The following HSD17B2 variants were observed in gnomAD, a reference collection of about 807,000 sequenced individuals.
HSD17B2 encodes the protein 17-beta-hydroxysteroid dehydrogenase type 2.
In HSD17B2, 32 loss-of-function variants were observed where a neutral mutation model predicts 26.9. The ratio of observed to expected loss-of-function variants is 1.19; its 90% CI spans 0.90 to 1.60. HSD17B2 has a LOEUF of 1.60. HSD17B2 is among the 40% of genes most tolerant of loss of function. HSD17B2 has a pLI of 0.00. For synonymous variants in HSD17B2, 246 were observed against 186.7 expected (o/e 1.32, Z -2.59); for missense variants, 613 against 468.6 (o/e 1.31, Z -2.85).
intron 1 of HSD17B2, among the ~76,000 whole-genome samples, chr16:82,061,618 A>G (rs557529253): frequency 3.3e-5 from 5 of 152,242 alleles, no homozygotes; most frequent in Admixed American, 2.0e-4. Context: ...ACCAGTCTAT[A>G]TAATAGTAAT....
intron 1 of HSD17B2, among the ~76,000 whole-genome samples, chr16:82,060,465 A>T (rs8191111): frequency 0.012 from 1,857 of 152,308 alleles, 22 homozygotes; most frequent in Non-Finnish European, 0.019. Flanking sequence ...GCCTCAGCTG[A>T]TGGGTCCCTT....
intron 1 of HSD17B2, among the ~76,000 whole-genome samples, chr16:82,050,156 A>T (rs775172563): frequency 3.3e-5 from 5 of 152,202 alleles, no homozygotes; most frequent in African/African-American, 1.2e-4. Flanking sequence ...TTATGTACTC[A>T]GTTCCACTGG....
At chr16:82,084,106 T>C (rs1178696019) in intron 3 of HSD17B2, among the ~76,000 whole-genome samples, 1 of 152,172 alleles carries the variant, frequency 6.6e-6, no homozygotes, top group Admixed American at 6.5e-5. Context: ...GGCTTAAATC[T>C]TGCTCTTCGG....
At chr16:82,068,520 A>T in intron 2 of HSD17B2, 138 bp downstream of exon 2, 1 of 671,154 alleles carries the variant, frequency 1.5e-6, no homozygotes, top group Non-Finnish European at 2.5e-6. Context: ...AACCCCTACC[A>T]TGTGTGGGGG....
intron 1 of HSD17B2, among the ~76,000 whole-genome samples, chr16:82,049,465 TA>T (rs1280469824): frequency 6.6e-6 from 1 of 152,208 alleles, no homozygotes; most frequent in East Asian, 1.9e-4. Context: ...CCCATAATAA[TA>T]AAGGGAATGG....
chr16:82,064,102 C>T (rs1010285075), intron 1 of HSD17B2, among the ~76,000 whole-genome samples: 4 of 152,168 alleles, frequency 2.6e-5, no homozygotes, highest in African/African-American at 4.8e-5. Flanking sequence ...GCCTAAAGTT[C>T]AACACTGTTG....
intron 4 of HSD17B2, chr16:82,097,465 C>T (rs941616266): frequency 2.6e-5 from 4 of 151,844 alleles, no homozygotes; most frequent in Admixed American, 6.6e-5. Flanking sequence ...GATTCCCCTT[C>T]CTGGGCCTCC....
intron 1 of HSD17B2, among the ~76,000 whole-genome samples, chr16:82,062,045 G>C (rs555114425): frequency 6.6e-6 from 1 of 152,204 alleles, no homozygotes; most frequent in South Asian, 2.1e-4. Context: ...AAATGATGGG[G>C]TGTTTCCGTT....
chr16:82,064,923 C>T (rs1249869686), intron 1 of HSD17B2, among the ~76,000 whole-genome samples: 2 of 152,204 alleles, frequency 1.3e-5, no homozygotes, highest in South Asian at 2.1e-4. Context: ...GTTTAATGAC[C>T]TCTTTGGTCA....
intron 1 of HSD17B2, among the ~76,000 whole-genome samples, chr16:82,060,015 G>C (rs1914388425): frequency 6.6e-6 from 1 of 152,198 alleles, no homozygotes; most frequent in Non-Finnish European, 1.5e-5. Flanking sequence ...GGAGGAGGGA[G>C]GTCAAGTATT....
At chr16:82,078,461 T>C (rs1457445054) in intron 3 of HSD17B2, among the ~76,000 whole-genome samples, 7 of 152,172 alleles carry the variant, frequency 4.6e-5, no homozygotes, top group Non-Finnish European at 8.8e-5. Flanking sequence ...ACAATTGCTA[T>C]GGAGAATAGC....
chr16:82,086,814 T>G lies in HSD17B2; in HGVS notation c.665-4088T>G, dbSNP rs144786925. Among the ~76,000 whole-genome samples, 87 of 152,344 alleles carry G rather than the reference T, an allele frequency of 5.7e-4. 2 individuals are homozygous for G. Among genetic ancestry groups the G allele is most frequent in the Admixed American group, 5.1e-3 (78 of 15,306 alleles). ...ACACAAATTTATTTTCTCACAGTTA[T>G]GCAGTTTAGAAGTCCCAGATCAGCA... is the stretch of plus-strand genomic sequence containing the variant. On this transcript the variant is annotated intron_variant, in intron 3 of 4. Transcript: ENST00000199936.
intron 3 of HSD17B2, among the ~76,000 whole-genome samples, chr16:82,081,631 G>A (rs1904383010): frequency 6.6e-6 from 1 of 152,126 alleles, no homozygotes; most frequent in Non-Finnish European, 1.5e-5. Context: ...GCGTTCTGAG[G>A]CTTAAATAAA....
In HSD17B2 at chr16:82,076,704, A is replaced by T. The variant is rs140211052; in HGVS notation, c.664+5577A>T. Among the ~76,000 whole-genome samples the T allele has an allele frequency of 3.7e-3, 558 of 152,238 alleles. 4 individuals are homozygous for T. Among genetic ancestry groups the T allele is most frequent in the Non-Finnish European group, 4.6e-3 (312 of 68,010 alleles). On this transcript the variant is annotated intron_variant, in intron 3 of 4. Coordinates refer to ENST00000199936, the MANE Select transcript of HSD17B2 (RefSeq NM_002153.3). Reference sequence around the variant, plus strand: ...ATTCTTCTGCCTCAGCATCCCGAGTAGCTGGGACTACAGGTGTGCGCCACC... The same window carrying T: ...ATTCTTCTGCCTCAGCATCCCGAGTTGCTGGGACTACAGGTGTGCGCCACC...
intron 3 of HSD17B2, among the ~76,000 whole-genome samples, chr16:82,090,463 C>T (rs1904658295): frequency 6.6e-6 from 1 of 151,882 alleles, no homozygotes; most frequent in South Asian, 2.1e-4. Context: ...GGATTACAGG[C>T]ATGCGCCACC....
intron 1 of HSD17B2, among the ~76,000 whole-genome samples, chr16:82,060,518 T>C (rs775562756): frequency 3.3e-5 from 5 of 152,218 alleles, no homozygotes; most frequent in African/African-American, 4.8e-5. Context: ...AGAGAAACCA[T>C]TGATCTGGGT....
intron 3 of HSD17B2, among the ~76,000 whole-genome samples, chr16:82,085,302 G>C (rs966629908): frequency 2.0e-5 from 3 of 152,216 alleles, no homozygotes; most frequent in African/African-American, 7.2e-5. Flanking sequence ...TAGGGAGATT[G>C]TGGGACAAGG....
chr16:82,035,553 C>A lies in HSD17B2; in HGVS notation c.129C>A (p.Gly43=). The A allele has an allele frequency of 1.9e-6, 3 of 1,614,084 alleles. No individual in the cohort carries two copies. The highest frequency in any genetic ancestry group is 4.5e-5 in the East Asian group (2 of 44,872). ...QLWSWMVCLA[G]LCAVCLLILS... is the part of the protein sequence containing the mutation. ...GGAGCTGGATGGTCTGCCTGGCAGG[C>A]CTCTGTGCAGTCTGCCTGCTCATCC... The change falls in exon 1 of 5, where the codon GGC becomes GGA. Residue 43 remains glycine (G), a synonymous_variant. Transcript: ENST00000199936.
At chr16:82,048,519 G>T (rs930310982) in intron 1 of HSD17B2, among the ~76,000 whole-genome samples, 1 of 152,124 alleles carries the variant, frequency 6.6e-6, no homozygotes, top group Non-Finnish European at 1.5e-5. Flanking sequence ...TAGCTCCAGG[G>T]AACATGAAGA....
Sources: allele counts gnomAD v4.1 joint callset (sites outside exome capture counted in the v4.1 genomes callset), GRCh38; gene constraint gnomAD v4.1.1; transcripts MANE v1.5; gene names NCBI Gene and HGNC (gene_info 2026-07-23, HGNC 2026-07-21).